ALK: variants seen among roughly 807,000 people sequenced by gnomAD.
The protein encoded by ALK is ALK tyrosine kinase receptor.
Under a neutral mutation model 163.1 loss-of-function variants are expected in ALK, and 74 were observed. The ratio of observed to expected loss-of-function variants is 0.45; its 90% CI spans 0.38 to 0.55. The LOEUF (loss-of-function observed/expected upper bound fraction) is 0.55, where lower values mean the gene tolerates loss of function less well. Ranked by LOEUF, ALK falls within the 20% of genes least tolerant of loss-of-function variation. The pLI, the probability that ALK is intolerant of heterozygous loss-of-function variation, is 0.00. For synonymous variants in ALK, 960 were observed against 843.2 expected, an observed-to-expected ratio of 1.14 and a Z score of -2.40; for missense variants, 2,063 against 2,105.3, an observed-to-expected ratio of 0.98 and a Z score of 0.39.
chr2:29,702,125 A>G (rs1403759906), intron 2 of ALK, among the ~76,000 whole-genome samples: 1 of 152,138 alleles, frequency 6.6e-6, no homozygotes, highest in African/African-American at 2.4e-5. Context: ...GGTGCAACAA[A>G]ATACTAAAGA....
intron 3 of ALK, among the ~76,000 whole-genome samples, chr2:29,689,794 TA>T (rs1440319391): frequency 6.6e-6 from 1 of 152,160 alleles, no homozygotes; most frequent in African/African-American, 2.4e-5. Context: ...TTCAATCCGA[TA>T]ACACATGTCC....
At chr2:29,645,424 C>T (rs1319988498) in intron 3 of ALK, among the ~76,000 whole-genome samples, 3 of 152,118 alleles carry the variant, frequency 2.0e-5, no homozygotes, top group Admixed American at 1.3e-4. Context: ...GAGGAATGTC[C>T]CGCATTTTCA....
chr2:29,683,999 A>G (rs905357326), intron 3 of ALK, among the ~76,000 whole-genome samples: 2 of 152,228 alleles, frequency 1.3e-5, no homozygotes, highest in African/African-American at 4.8e-5. Context: ...GTCTTTCTCT[A>G]TCTTGAATGA....
rs187671659 is a variant in ALK at position 29,547,158 on chromosome 2, A to T, written c.953-15042T>A. ...CTAGAATGTTCTAGGCTTCTAACAG[A>T]TCTTTTCACTTCAGGTCTAAACTTC... On this transcript the variant is annotated intron_variant, in intron 3 of 28. Transcript: ENST00000389048. Among the ~76,000 whole-genome samples the T allele has an allele frequency of 7.2e-5, 11 of 152,340 alleles. No individual in the cohort carries two copies. The East Asian group carries it at 1.4e-3, about 19-fold the overall frequency.
chr2:29,222,193 G>A, intron 22 of ALK, 151 bp downstream of exon 22: 3 of 755,186 alleles, frequency 4.0e-6, no homozygotes, highest in Admixed American at 4.0e-5. Context: ...GGTAAGAAGT[G>A]TCTAGAATGT....
intron 3 of ALK, among the ~76,000 whole-genome samples, chr2:29,618,938 C>T (rs978033769): frequency 1.3e-5 from 2 of 151,604 alleles, no homozygotes; most frequent in Non-Finnish European, 2.9e-5. Flanking sequence ...GAGATTGCGC[C>T]ACTGCACTAC....
At chr2:29,693,422 CACACACACACACACAG>C (rs1400319601) in intron 3 of ALK, among the ~76,000 whole-genome samples, 1 of 150,256 alleles carries the variant, frequency 6.7e-6, no homozygotes, top group Non-Finnish European at 1.5e-5. Flanking sequence ...CACACACACA[CACACACACACACACAG>C]ACACACACAC....
At chr2:29,363,691 T>C (rs571257653) in intron 5 of ALK, among the ~76,000 whole-genome samples, 32 of 152,320 alleles carry the variant, frequency 2.1e-4, no homozygotes, top group Non-Finnish European at 3.7e-4. Flanking sequence ...GATGGACACA[T>C]TTTAAAAATC....
At chr2:29,845,079 C>T (rs192320449) in intron 1 of ALK, among the ~76,000 whole-genome samples, 13 of 152,178 alleles carry the variant, frequency 8.5e-5, no homozygotes, top group African/African-American at 3.1e-4. Flanking sequence ...TTACTCATTT[C>T]CTGTCTCCAG....
At chr2:29,429,974 A>G (rs953495278) in intron 4 of ALK, among the ~76,000 whole-genome samples, 1 of 152,140 alleles carries the variant, frequency 6.6e-6, no homozygotes, top group South Asian at 2.1e-4. Flanking sequence ...AATAGTCTAT[A>G]AAAAAATTTT....
At chr2:29,454,791 A>G (rs777382092) in intron 4 of ALK, among the ~76,000 whole-genome samples, 72 of 152,318 alleles carry the variant, frequency 4.7e-4, no homozygotes, top group Middle Eastern at 6.8e-3. Flanking sequence ...CACCTAGTAC[A>G]TAAGTGCCTA....
At chr2:29,262,557 C>T (rs918185436) in intron 11 of ALK, among the ~76,000 whole-genome samples, 3 of 152,234 alleles carry the variant, frequency 2.0e-5, no homozygotes, top group African/African-American at 7.2e-5. Context: ...TGCTCACACA[C>T]ATGATCTCAT....
intron 10 of ALK, 45 bp downstream of exon 10, chr2:29,275,357 C>G (rs2148215321): frequency 6.2e-7 from 1 of 1,610,170 alleles, no homozygotes. Context: ...AGGCCATGGG[C>G]CATGGGGGTT....
At chr2:29,273,668 C>T (rs1259714025) in intron 11 of ALK, among the ~76,000 whole-genome samples, 1 of 152,152 alleles carries the variant, frequency 6.6e-6, no homozygotes, top group Non-Finnish European at 1.5e-5. Flanking sequence ...TTTCTGGAGT[C>T]TCTGCTGTGT....
At chr2:29,258,033 C>T (rs893447956) in intron 11 of ALK, among the ~76,000 whole-genome samples, 2 of 152,144 alleles carry the variant, frequency 1.3e-5, no homozygotes, top group South Asian at 4.1e-4. Flanking sequence ...GAGATGAGGT[C>T]TCACTATATT....
At chr2:29,307,124 T>C (rs1216292515) in intron 8 of ALK, among the ~76,000 whole-genome samples, 1 of 152,278 alleles carries the variant, frequency 6.6e-6, no homozygotes, top group Non-Finnish European at 1.5e-5. Flanking sequence ...GTCTTGAATA[T>C]GCCCCATGTT....
intron 3 of ALK, among the ~76,000 whole-genome samples, chr2:29,554,093 T>A (rs1381729024): frequency 6.6e-6 from 1 of 152,250 alleles, no homozygotes; most frequent in Non-Finnish European, 1.5e-5. Flanking sequence ...CTTTTTATAT[T>A]TATGAACTTG....
intron 1 of ALK, among the ~76,000 whole-genome samples, chr2:29,874,392 C>G (rs1209559262): frequency 6.6e-6 from 1 of 152,150 alleles, no homozygotes; most frequent in Non-Finnish European, 1.5e-5. Context: ...AGTGAAATAT[C>G]AGATAAGCCA....
At chr2:29,864,723 A>C (rs1666382182) in intron 1 of ALK, among the ~76,000 whole-genome samples, 1 of 152,202 alleles carries the variant, frequency 6.6e-6, no homozygotes, top group Admixed American at 6.5e-5. Flanking sequence ...AGTTAAATCT[A>C]TTGAATGGGA....
Sources: allele counts gnomAD v4.1 joint callset (sites outside exome capture counted in the v4.1 genomes callset), GRCh38; gene constraint gnomAD v4.1.1; transcripts MANE v1.5; gene names NCBI Gene and HGNC (gene_info 2026-07-23, HGNC 2026-07-21).